Variants in TBC1D5 observed in about 807,000 individuals in gnomAD.
TBC1D5 encodes the protein TBC1 domain family, member 5.
Under a neutral mutation model 100.3 loss-of-function variants are expected in TBC1D5, and 75 were observed. That is an observed-to-expected ratio of 0.75 (90% CI 0.62 to 0.91). The LOEUF (loss-of-function observed/expected upper bound fraction) is 0.91, where lower values mean the gene tolerates loss of function less well. Among genes scored for constraint, TBC1D5 ranks in the 40% least tolerant of loss-of-function variants. The pLI, the probability that TBC1D5 is intolerant of heterozygous loss-of-function variation, is 0.00. For missense variants in TBC1D5, 910 were observed against 942.4 expected (o/e 0.97, Z 0.45); for synonymous variants, 323 against 325.6 (o/e 0.99, Z 0.09).
At chr3:17,667,500 G>A (rs1392160765) in intron 1 of TBC1D5, among the ~76,000 whole-genome samples, 1 of 151,694 alleles carries the variant, frequency 6.6e-6, no homozygotes, top group Non-Finnish European at 1.5e-5. Context: ...CGGGAGTCCA[G>A]ACTGGAGAGC....
At chr3:17,560,072 C>T (rs1429389675) in intron 2 of TBC1D5, among the ~76,000 whole-genome samples, 1 of 152,086 alleles carries the variant, frequency 6.6e-6, no homozygotes, top group African/African-American at 2.4e-5. Context: ...CTATGTGCCT[C>T]CTGATGAGAA....
In TBC1D5 at chr3:17,309,601, T is replaced by C. The variant is rs185267463; in HGVS notation, c.996-1467A>G. Among the ~76,000 whole-genome samples the C allele has an allele frequency of 2.0e-5, 3 of 152,262 alleles. No individual in the cohort carries two copies. In the East Asian group the frequency reaches 5.8e-4, roughly 29 times the overall value. The stretch of plus-strand genomic sequence containing the variant: ...AAATGAGGGGTGATTAACACAATTT[T>C]TTTTTGTCTAATATGGCTGTGTTTA... On this transcript the variant is annotated intron_variant, in intron 13 of 21. Coordinates refer to ENST00000253692, the Ensembl canonical transcript of TBC1D5.
At chr3:17,439,811 C>G (rs1485438975) in intron 3 of TBC1D5, among the ~76,000 whole-genome samples, 1 of 151,972 alleles carries the variant, frequency 6.6e-6, no homozygotes, top group Non-Finnish European at 1.5e-5. Flanking sequence ...TTTAAATATG[C>G]TAGGAAATGT....
chr3:17,447,677 T>A (rs1331573999), intron 3 of TBC1D5, among the ~76,000 whole-genome samples: 2 of 152,208 alleles, frequency 1.3e-5, no homozygotes, highest in Non-Finnish European at 2.9e-5. Context: ...ACTTAATTCT[T>A]ATGGTGATCA....
intron 4 of TBC1D5, among the ~76,000 whole-genome samples, chr3:17,408,408 C>G (rs1190650219): frequency 6.6e-6 from 1 of 152,002 alleles, no homozygotes; most frequent in African/African-American, 2.4e-5. Context: ...TCCTTGGGCT[C>G]AATCAATCCT....
At position 17,502,595 on chromosome 3, in the gene TBC1D5, CT is replaced by C. The variant is rs2095799385; in HGVS notation, c.97+5878del. On this transcript the variant is annotated intron_variant, in intron 3 of 21. Transcript: ENST00000253692. ...TGCTACCATACTTAAGCTGACAAAT[CT>C]TTATCTTCCAGCCCAATTCTAAGTT... 1.3e-5 allele frequency among the ~76,000 whole-genome samples: 2 copies of C among 149,408 alleles called. 1 individual carries two copies. The highest frequency in any genetic ancestry group is 5.1e-5 in the African/African-American group (2 of 39,274).
At chr3:17,287,657 G>A (rs1296641270) in intron 15 of TBC1D5, among the ~76,000 whole-genome samples, 2 of 152,118 alleles carry the variant, frequency 1.3e-5, no homozygotes, top group African/African-American at 2.4e-5. Flanking sequence ...AACTATGAAG[G>A]AGTATGATCC....
intron 2 of TBC1D5, among the ~76,000 whole-genome samples, chr3:17,528,077 T>A (rs2096162922): frequency 6.6e-6 from 1 of 152,072 alleles, no homozygotes; most frequent in Non-Finnish European, 1.5e-5. Context: ...GAGGGGTGGC[T>A]GAGACAAGGT....
In TBC1D5 at chr3:17,594,274, C is replaced by T. The variant is rs147508838; in HGVS notation, c.-36+29575G>A. ...GGAAAGGAAGAGTGTGCATGGAATA[C>T]AGGAAATCCATTAGGGCGTCTCTTA... On this transcript the variant is annotated intron_variant, in intron 2 of 21. Transcript: ENST00000253692. Among the ~76,000 whole-genome samples, 68 of 152,200 alleles carry T rather than the reference C, an allele frequency of 4.5e-4. 1 individual carries two copies. The East Asian group carries it at 0.013, about 29-fold the overall frequency.
intron 2 of TBC1D5, among the ~76,000 whole-genome samples, chr3:17,623,005 C>T (rs144808101): frequency 7.2e-5 from 11 of 152,324 alleles, no homozygotes; most frequent in Middle Eastern, 3.4e-3. Context: ...TCTGTCTACT[C>T]CTGGGCCCCC....
intron 16 of TBC1D5, among the ~76,000 whole-genome samples, chr3:17,250,181 C>T (rs568512910): frequency 7.9e-5 from 12 of 152,348 alleles, no homozygotes; most frequent in African/African-American, 2.9e-4. Context: ...TTACATTACA[C>T]ATTGAGTCCA....
chr3:17,406,379 A>G, intron 5 of TBC1D5, 39 bp downstream of exon 5: 1 of 1,577,282 alleles, frequency 6.3e-7, no homozygotes, highest in Non-Finnish European at 8.6e-7. Context: ...GTGTTGATAT[A>G]TTGCAACCAG....
At chr3:17,392,194 G>T (rs573285845) in intron 8 of TBC1D5, among the ~76,000 whole-genome samples, 1 of 151,862 alleles carries the variant, frequency 6.6e-6, no homozygotes, top group African/African-American at 2.4e-5. Context: ...CAGACAAAAG[G>T]CCCTTAGATT....
intron 15 of TBC1D5, among the ~76,000 whole-genome samples, chr3:17,288,789 A>G (rs1435329068): frequency 6.6e-6 from 1 of 152,180 alleles, no homozygotes; most frequent in African/African-American, 2.4e-5. Context: ...TCTTGGATGC[A>G]GGACCAGAAG....
intron 19 of TBC1D5, among the ~76,000 whole-genome samples, chr3:17,179,247 G>GTT (rs2125396801): frequency 6.6e-6 from 1 of 152,316 alleles, no homozygotes; most frequent in African/African-American, 2.4e-5. Flanking sequence ...TCATAGTGTA[G>GTT]TTGACAGAGA....
intron 3 of TBC1D5, among the ~76,000 whole-genome samples, chr3:17,431,019 A>G (rs1188576617): frequency 3.3e-5 from 5 of 151,944 alleles, no homozygotes; most frequent in Admixed American, 3.3e-4. Flanking sequence ...TGGGAAATAA[A>G]CAAGTGTTAC....
chr3:17,393,594 C>G (rs908851357), intron 8 of TBC1D5, among the ~76,000 whole-genome samples: 1 of 152,090 alleles, frequency 6.6e-6, no homozygotes, highest in African/African-American at 2.4e-5. Context: ...CTACAGTAAC[C>G]AAAACAGCAT....
intron 3 of TBC1D5, among the ~76,000 whole-genome samples, chr3:17,482,460 T>G (rs751019977): frequency 2.6e-5 from 4 of 152,218 alleles, no homozygotes; most frequent in Non-Finnish European, 4.4e-5. Flanking sequence ...CTGGAGCTTC[T>G]TTGTCATCAT....
Position 17,252,150 on chromosome 3 carries a change from G to A in TBC1D5, c.1331+6356C>T, listed in dbSNP as rs114856716. 8.7e-3 allele frequency among the ~76,000 whole-genome samples: 1,327 copies of A among 152,214 alleles called. 16 individuals carry two copies. Among genetic ancestry groups the A allele is most frequent in the African/African-American group, 0.03 (1,250 of 41,502 alleles). On this transcript the variant is annotated intron_variant, in intron 16 of 21. Coordinates refer to ENST00000253692, the Ensembl canonical transcript of TBC1D5. The stretch of plus-strand genomic sequence containing the variant: ...AAAATAAATGGTAGCTGAGCTGTCA[G>A]TACTGCCTCAAGAGTATGTCACTTT...
Sources: allele counts gnomAD v4.1 joint callset (sites outside exome capture counted in the v4.1 genomes callset), GRCh38; gene constraint gnomAD v4.1.1; transcripts MANE v1.5; gene names NCBI Gene and HGNC (gene_info 2026-07-23, HGNC 2026-07-21).